Variants in SLIT3 observed in about 807,000 individuals in gnomAD.
The protein encoded by SLIT3 is slit homolog 3 protein.
SLIT3 carries 68 observed loss-of-function variants against 184.0 expected under a neutral mutation model. The ratio of observed to expected loss-of-function variants is 0.37; its 90% confidence interval spans 0.30 to 0.45. SLIT3 has a LOEUF of 0.45. Ranked by LOEUF, SLIT3 falls within the 20% of genes least tolerant of loss-of-function variation. SLIT3 has a pLI of 1.00. For synonymous variants in SLIT3, 831 were observed against 828.6 expected, an observed-to-expected ratio of 1.00 and a Z score of -0.05; for missense variants, 1,707 against 2,026.0, an observed-to-expected ratio of 0.84 and a Z score of 3.02.
intron 4 of SLIT3, among the ~76,000 whole-genome samples, chr5:168,907,018 G>A (rs1019338365): frequency 1.3e-5 from 2 of 152,048 alleles, no homozygotes; most frequent in East Asian, 3.9e-4. Context: ...ACGCCACCAA[G>A]CCCGGCTAAT....
chr5:169,113,608 C>T (rs993870940), intron 4 of SLIT3, among the ~76,000 whole-genome samples: 5 of 151,760 alleles, frequency 3.3e-5, no homozygotes, highest in African/African-American at 1.2e-4. Flanking sequence ...CCATGACCCT[C>T]ACTGATATAT....
At chr5:168,917,163 A>G (rs1761468332) in intron 4 of SLIT3, among the ~76,000 whole-genome samples, 1 of 152,242 alleles carries the variant, frequency 6.6e-6, no homozygotes, top group African/African-American at 2.4e-5. Context: ...AATAATCATC[A>G]GGTTTAGAAT....
chr5:168,714,591 CA>C (rs1432111161), intron 23 of SLIT3, among the ~76,000 whole-genome samples: 1 of 152,048 alleles, frequency 6.6e-6, no homozygotes, highest in Non-Finnish European at 1.5e-5. Flanking sequence ...CACAAACAAA[CA>C]AACAAAAAAA....
intron 6 of SLIT3, among the ~76,000 whole-genome samples, chr5:168,827,493 T>C (rs1757743592): frequency 1.3e-5 from 2 of 152,188 alleles, no homozygotes; most frequent in Admixed American, 1.3e-4. Context: ...CTTGCTTCTG[T>C]TGTCACATCT....
At chr5:169,219,102 G>A (rs1013941669) in intron 3 of SLIT3, among the ~76,000 whole-genome samples, 3 of 152,150 alleles carry the variant, frequency 2.0e-5, no homozygotes, top group Non-Finnish European at 2.9e-5. Context: ...ACACACCAGC[G>A]CTGCCGCCTT....
intron 2 of SLIT3, among the ~76,000 whole-genome samples, chr5:169,246,307 C>A (rs1245612653): frequency 6.6e-6 from 1 of 152,160 alleles, no homozygotes; most frequent in East Asian, 1.9e-4. Context: ...AAGCTCCTCA[C>A]TTAACACCTA....
chr5:169,250,442 G>C (rs1765734307), intron 2 of SLIT3, among the ~76,000 whole-genome samples: 1 of 152,152 alleles, frequency 6.6e-6, no homozygotes, highest in Non-Finnish European at 1.5e-5. Context: ...AGAAAACTGA[G>C]GCCCAAGGAG....
At chr5:168,807,961 A>C (rs1477984162) in intron 8 of SLIT3, among the ~76,000 whole-genome samples, 1 of 152,182 alleles carries the variant, frequency 6.6e-6, no homozygotes, top group Non-Finnish European at 1.5e-5. Context: ...TGACATCTAC[A>C]GCTTAATTTG....
At chr5:168,976,217 G>A (rs1754751858) in intron 4 of SLIT3, among the ~76,000 whole-genome samples, 1 of 152,188 alleles carries the variant, frequency 6.6e-6, no homozygotes, top group African/African-American at 2.4e-5. Flanking sequence ...ACTTGCCCAA[G>A]GTTGTTCCAC....
intron 4 of SLIT3, among the ~76,000 whole-genome samples, chr5:169,151,544 A>G (rs979055076): frequency 1.3e-5 from 2 of 152,250 alleles, no homozygotes; most frequent in African/African-American, 4.8e-5. Context: ...AGAGTACACA[A>G]GAAAGAATTT....
At chr5:168,998,499 T>C (rs1211261279) in intron 4 of SLIT3, among the ~76,000 whole-genome samples, 2 of 151,662 alleles carry the variant, frequency 1.3e-5, no homozygotes, top group Non-Finnish European at 2.9e-5. Flanking sequence ...AGGTCAGGAG[T>C]TCGAGACCAG....
intron 4 of SLIT3, among the ~76,000 whole-genome samples, chr5:168,916,117 C>A (rs1054713075): frequency 6.6e-6 from 1 of 152,020 alleles, no homozygotes; most frequent in African/African-American, 2.4e-5. Flanking sequence ...GGCAAAATCA[C>A]CACCACCACC....
intron 16 of SLIT3, among the ~76,000 whole-genome samples, chr5:168,757,265 G>T (rs1374908379): frequency 6.6e-6 from 1 of 152,216 alleles, no homozygotes. Context: ...CTTGGTGAGG[G>T]TTAAGTGCAT....
chr5:169,044,177 T>C (rs114847083), intron 4 of SLIT3, among the ~76,000 whole-genome samples: 202 of 152,320 alleles, frequency 1.3e-3, no homozygotes, highest in African/African-American at 4.8e-3. Flanking sequence ...GAAACATGCA[T>C]ACATTGCTGG....
At chr5:168,824,466 G>A (rs941511964) in intron 6 of SLIT3, among the ~76,000 whole-genome samples, 4 of 152,190 alleles carry the variant, frequency 2.6e-5, no homozygotes, top group Admixed American at 6.5e-5. Flanking sequence ...TTACCCTTCT[G>A]GAGAAACCTA....
intron 4 of SLIT3, among the ~76,000 whole-genome samples, chr5:169,051,682 C>G (rs1757820444): frequency 6.6e-6 from 1 of 152,194 alleles, no homozygotes; most frequent in African/African-American, 2.4e-5. Context: ...AAGAGTTATG[C>G]TCATCCTGTG....
intron 5 of SLIT3, among the ~76,000 whole-genome samples, chr5:168,870,301 A>C (rs965662795): frequency 6.6e-6 from 1 of 152,250 alleles, no homozygotes; most frequent in Non-Finnish European, 1.5e-5. Flanking sequence ...TACAAGAAGG[A>C]AGGGAGAATG....
intron 1 of SLIT3, among the ~76,000 whole-genome samples, chr5:169,278,792 G>A (rs1357575670): frequency 1.3e-5 from 2 of 152,176 alleles, no homozygotes; most frequent in African/African-American, 4.8e-5. Flanking sequence ...ATTTTGGCAA[G>A]GGGTTTGGGG....
At chr5:169,020,588 A>T (rs1018066127) in intron 4 of SLIT3, among the ~76,000 whole-genome samples, 4 of 152,236 alleles carry the variant, frequency 2.6e-5, no homozygotes, top group African/African-American at 9.6e-5. Flanking sequence ...GTCATTATAC[A>T]TTGTATTAAA....
Sources: allele counts gnomAD v4.1 joint callset (sites outside exome capture counted in the v4.1 genomes callset), GRCh38; gene constraint gnomAD v4.1.1; transcripts MANE v1.5; gene names NCBI Gene and HGNC (gene_info 2026-07-23, HGNC 2026-07-21).